The following PRR12 variants were observed in gnomAD, a reference collection of about 807,000 sequenced individuals.
PRR12 encodes the protein proline rich 12.
PRR12 carries 12 observed loss-of-function variants against 138.0 expected under a neutral mutation model. That is an observed-to-expected ratio of 0.09 (90% CI 0.06 to 0.14). PRR12 has a LOEUF of 0.14. Ranked by LOEUF, PRR12 falls within the 10% of genes least tolerant of loss-of-function variation. PRR12 has a pLI of 1.00. For missense variants in PRR12, 2,692 were observed against 2,861.3 expected (o/e 0.94, Z 1.35); for synonymous variants, 1,567 against 1,291.7 (o/e 1.21, Z -4.57).
intron 9 of PRR12, among the ~76,000 whole-genome samples, chr19:49,617,055 C>G (rs982657358): frequency 1.3e-5 from 2 of 150,312 alleles, no homozygotes; most frequent in African/African-American, 4.9e-5. Flanking sequence ...CACTTGAACC[C>G]GGGAGGCAGA....
At position 49,624,876 on chromosome 19, in the gene PRR12, G is replaced by A. The variant is rs780848544; in HGVS notation, c.5754G>A (p.Val1918=). The A allele has an allele frequency of 1.2e-6, 2 of 1,611,674 alleles. No individual in the cohort carries two copies. Among genetic ancestry groups the A allele is most frequent in the Non-Finnish European group, 1.7e-6 (2 of 1,179,156 alleles). ...TGCACACGTTCCCACAGCTGCAAGTGGAGCAGAGTGGGGAGGGCTCTCCGG... is the reference window on the plus strand; with the variant it reads ...TGCACACGTTCCCACAGCTGCAAGTAGAGCAGAGTGGGGAGGGCTCTCCGG... The part of the protein sequence containing the change: ...DALHTFPQLQ[V]EQSGEGSPEE... Residue 1918 remains valine, a synonymous_variant, in exon 12 of 14, where the codon GTG becomes GTA. Coordinates refer to ENST00000418929, the MANE Select transcript of PRR12 (RefSeq NM_020719.3).
chr19:49,593,191 G>A (rs1373146458), intron 1 of PRR12, 136 bp from the exon 2 acceptor site: 3 of 595,692 alleles, frequency 5.0e-6, no homozygotes, highest in Non-Finnish European at 9.0e-6. Flanking sequence ...CCCCTTTAGG[G>A]CCTACGGTTC....
chr19:49,625,068 G>A lies in PRR12; in HGVS notation c.5869-37G>A, dbSNP rs762971665. The A allele has an allele frequency of 1.1e-5, 17 of 1,611,948 alleles. No homozygotes were observed. The highest frequency in any genetic ancestry group is 6.7e-5 in the East Asian group (3 of 44,844). On this transcript the variant is annotated intron_variant, in intron 12 of 13. Coordinates refer to ENST00000418929, the MANE Select transcript of PRR12 (RefSeq NM_020719.3). This position sits in a 1 kb window ranked among gnomAD's most constrained non-coding sequence, Gnocchi z 5.5. ...GGGAGGAGAGGGGCTGCCAAGTGCCGGGCTGGAGGGGCTGAGGCATCTCCA... is the reference window on the plus strand; with the variant it reads ...GGGAGGAGAGGGGCTGCCAAGTGCCAGGCTGGAGGGGCTGAGGCATCTCCA...
rs2080749743 is a variant in PRR12 at position 49,594,359 on chromosome 19, TC to T, written c.200-93del. On this transcript the variant is annotated intron_variant, in intron 2 of 13. Coordinates refer to ENST00000418929, the MANE Select transcript of PRR12 (RefSeq NM_020719.3). The surrounding 1 kb of genome is among the most constrained non-coding windows in gnomAD (Gnocchi z 5.6). ...CCTTTTCTCTCCCATCCCCTCCTTT[TC>T]CTGATCCAACTTGCTTTTGGCCTCT... 7.7e-7 allele frequency: 1 copy of T among 1,295,106 alleles called. No homozygotes were observed. Among genetic ancestry groups the T allele is most frequent in the Non-Finnish European group, 1.1e-6 (1 of 944,228 alleles). The allele number at this position is 1,295,106 out of a possible 1,614,324, so 80.2% of individuals were successfully genotyped here.
rs897598280 is a variant in PRR12 at position 49,603,821 on chromosome 19, TTTTTCTTTTC to T, written c.4773+1918_4773+1927del. Among the ~76,000 whole-genome samples the T allele has an allele frequency of 2.6e-5, 4 of 151,674 alleles. No homozygotes were observed. In the East Asian group the frequency reaches 7.9e-4, roughly 30 times the overall value. On this transcript the variant is annotated intron_variant, in intron 6 of 13. Transcript: ENST00000418929. ...TAAGGATAATAACTATCATTACACT[TTTTTCTTTTC>T]TTTTCTTTTCTTTTTTTGAGACGGA...
chr19:49,603,413 G>C (rs1433965738), intron 6 of PRR12, among the ~76,000 whole-genome samples: 2 of 152,224 alleles, frequency 1.3e-5, no homozygotes, highest in Non-Finnish European at 2.9e-5. Context: ...AATCTTGGCG[G>C]GGCATGGCGG....
At chr19:49,593,236 A>AG in intron 1 of PRR12, 91 bp from the exon 2 acceptor site, 1 of 477,996 alleles carries the variant, frequency 2.1e-6, no homozygotes. Context: ...GTCAGCTGGA[A>AG]GGGTCCCCCC....
rs752232342 is a variant in PRR12, at chr19:49,601,739, G to A, written c.4594G>A (p.Ala1532Thr). ...GGCTGCTCCTCCTGAGGAGCCCGCCGCCCCGTCTCCCGAAGACCCCGAGCT... is the reference window on the plus strand; with the variant it reads ...GGCTGCTCCTCCTGAGGAGCCCGCCACCCCGTCTCCCGAAGACCCCGAGCT... ...PLAAPPEEPA[A>T]PSPEDPELPD... is the part of the protein sequence containing the mutation. Residue 1532 changes from alanine to threonine, a missense_variant, in exon 6 of 14, where the codon GCC becomes ACC. Ala to Thr is a moderately conservative substitution (Grantham distance 58). Transcript: ENST00000418929. The A allele has an allele frequency of 1.5e-5, 23 of 1,552,436 alleles. No homozygotes were observed. Among genetic ancestry groups the A allele is most frequent in the East Asian group, 7.2e-5 (3 of 41,536 alleles).
Position 49,591,735 on chromosome 19 carries a change from A to G in PRR12, c.81A>G (p.Lys27=). Residue 27 remains lysine (K), a synonymous_variant, in exon 1 of 14, where the codon AAA becomes AAG. Transcript: ENST00000418929. ...GATGGAGTTACGAGAGGTCAGCGAA[A>G]GCTAGGTAAGGAGCTGAGGGTGGCC... ...GAGWSYERSA[K]ASLVYGSSRT... 5 of 1,494,932 alleles carry G rather than the reference A, an allele frequency of 3.3e-6. No homozygotes were observed. The highest frequency in any genetic ancestry group is 4.5e-6 in the Non-Finnish European group (5 of 1,119,664). The allele number at this position is 1,494,932 out of a possible 1,614,324, so 92.6% of individuals were successfully genotyped here.
At chr19:49,610,623 AGCTCC>A (rs1397254794) in intron 6 of PRR12, among the ~76,000 whole-genome samples, 1 of 147,020 alleles carries the variant, frequency 6.8e-6, no homozygotes, top group Non-Finnish European at 1.5e-5. Context: ...GCTCACTACA[AGCTCC>A]GCCTCTGGGT....
intron 6 of PRR12, among the ~76,000 whole-genome samples, chr19:49,604,962 A>G (rs544750770): frequency 2.2e-4 from 34 of 151,948 alleles, no homozygotes; most frequent in African/African-American, 8.0e-4. Context: ...AGCAATTCTC[A>G]TAACTCAGCC....
At position 49,620,333 on chromosome 19, in the gene PRR12, C is replaced by T. The variant is rs75743949; in HGVS notation, c.5498-19C>T. Reference sequence around the variant, plus strand: ...AGAGGAAATTGGGATAACGAGCCTGCGTCCTGTCTTTTCTGCAGAGCGGGC... The same window carrying T: ...AGAGGAAATTGGGATAACGAGCCTGTGTCCTGTCTTTTCTGCAGAGCGGGC... On this transcript the variant is annotated intron_variant, in intron 9 of 13. Transcript: ENST00000418929. 0.035 allele frequency: 56,517 copies of T among 1,612,348 alleles called. 1,435 individuals carry two copies. The highest frequency in any genetic ancestry group is 0.1 in the South Asian group (9,462 of 90,668).
intron 4 of PRR12, among the ~76,000 whole-genome samples, chr19:49,598,540 C>T (rs2080791150): frequency 6.6e-6 from 1 of 152,116 alleles, no homozygotes; most frequent in South Asian, 2.1e-4. Flanking sequence ...TGAATCTAGG[C>T]TGGGCAGTGT....
In PRR12 at chr19:49,614,890, T is replaced by C; in HGVS notation, c.4905T>C (p.Phe1635=). 1.2e-6 allele frequency: 2 copies of C among 1,613,912 alleles called. No homozygotes were observed. Among genetic ancestry groups the C allele is most frequent in the African/African-American group, 2.7e-5 (2 of 75,018 alleles). Residue 1635 remains phenylalanine (F), a synonymous_variant, in exon 8 of 14, where the codon TTT becomes TTC. Transcript: ENST00000418929. This position sits in a 1 kb window ranked among gnomAD's most constrained non-coding sequence, Gnocchi z 5.0. The stretch of plus-strand genomic sequence containing the variant: ...TCTCCCCATAGTATTTGGGGTATTT[T>C]GGGGATGCAAAAAATCGGTACCAGC... The part of the protein sequence containing the change: ...FCATSNYLGY[F]GDAKNRYQRL...
intron 10 of PRR12, 98 bp downstream of exon 10, chr19:49,620,575 G>T: frequency 4.0e-6 from 6 of 1,497,610 alleles, no homozygotes; most frequent in African/African-American, 1.4e-5. Context: ...GAGGTTTGGG[G>T]TCGGGACTCC....
At chr19:49,622,338 T>G (rs2080927363) in intron 11 of PRR12, among the ~76,000 whole-genome samples, 1 of 152,022 alleles carries the variant, frequency 6.6e-6, no homozygotes, top group Non-Finnish European at 1.5e-5. Context: ...CCTAGCACTT[T>G]GGGAAGCCAA....
Position 49,599,284 on chromosome 19 carries a change from G to A in PRR12, c.3691G>A (p.Val1231Met), listed in dbSNP as rs376588666. 2.5e-6 allele frequency: 4 copies of A among 1,602,190 alleles called. No homozygotes were observed. The highest frequency in any genetic ancestry group is 3.4e-6 in the Non-Finnish European group (4 of 1,173,396). The change falls in exon 5 of 14, where the codon GTG (valine) becomes ATG (methionine). Residue 1231 changes from valine (V) to methionine (M), a missense_variant. By Grantham distance (21) the Val-to-Met change is conservative. Transcript: ENST00000418929. The surrounding 1 kb of genome is among the most constrained non-coding windows in gnomAD (Gnocchi z 5.0). ...CTCCCATGTCTAGATCAAGCTGTCTGTGCCCAAGGCTGGCGAGGGTCTGGG... is the reference window on the plus strand; with the variant it reads ...CTCCCATGTCTAGATCAAGCTGTCTATGCCCAAGGCTGGCGAGGGTCTGGG... Reference protein sequence around the residue: ...PLKPLKIKLSVPKAGEGLGTS... With the variant: ...PLKPLKIKLSMPKAGEGLGTS...
chr19:49,607,782 G>A (rs753951805), intron 6 of PRR12, among the ~76,000 whole-genome samples: 45 of 151,982 alleles, frequency 3.0e-4, no homozygotes, highest in Non-Finnish European at 3.1e-4. Flanking sequence ...ACTTTGGGAG[G>A]CTAAAGCAGG....
rs2080952012 is a variant in PRR12 at position 49,625,773 on chromosome 19, C to G, written c.*166C>G. The G allele has an allele frequency of 1.2e-6, 1 of 808,476 alleles. No homozygotes were observed. Among genetic ancestry groups the G allele is most frequent in the Non-Finnish European group, 1.8e-6 (1 of 563,792 alleles). The allele number at this position is 808,476 out of a possible 1,614,324, so 50.1% of individuals were successfully genotyped here. On this transcript the variant is annotated 3_prime_UTR_variant, in exon 14 of 14. Coordinates refer to ENST00000418929, the MANE Select transcript of PRR12 (RefSeq NM_020719.3). The surrounding 1 kb of genome is among the most constrained non-coding windows in gnomAD (Gnocchi z 5.5). ...AGGGCAGGGTTCAAAGTCCGACTCC[C>G]CCCCTCTCCCAAGCCCCCTCCACTC...
Sources: allele counts gnomAD v4.1 joint callset (sites outside exome capture counted in the v4.1 genomes callset), GRCh38; gene constraint gnomAD v4.1.1; non-coding constraint Gnocchi (gnomAD v3.1); transcripts MANE v1.5; gene names NCBI Gene and HGNC (gene_info 2026-07-23, HGNC 2026-07-21).